FGFR1: variants seen among roughly 807,000 people sequenced by gnomAD.
FGFR1 encodes the protein fibroblast growth factor receptor 1.
A neutral mutation model predicts 93.7 loss-of-function variants in FGFR1; 18 were observed. The ratio of observed to expected loss-of-function variants is 0.19; its 90% CI spans 0.13 to 0.28. The LOEUF (loss-of-function observed/expected upper bound fraction) is 0.28, where lower values mean the gene tolerates loss of function less well. Among genes scored for constraint, FGFR1 ranks in the 10% least tolerant of loss-of-function variants. FGFR1 has a pLI of 1.00. For missense variants in FGFR1, 731 were observed against 1,080.4 expected (o/e 0.68, Z 4.53); for synonymous variants, 448 against 429.3 (o/e 1.04, Z -0.54).
chr8:38,430,887 G>A (rs978991493), intron 2 of FGFR1: 3 of 152,326 alleles, frequency 2.0e-5, no homozygotes, highest in Non-Finnish European at 1.5e-5. Flanking sequence ...TCCCGCACGC[G>A]TTCAAGAAGG....
intron 3 of FGFR1, 65 bp from the exon 4 acceptor site, chr8:38,428,500 G>C (rs1821632434): frequency 7.5e-7 from 1 of 1,335,744 alleles, no homozygotes; most frequent in East Asian, 2.5e-5. Context: ...CAAGGCTAGT[G>C]CAGTTCCAGA....
intron 2 of FGFR1, among the ~76,000 whole-genome samples, chr8:38,450,735 C>T (rs1415130274): frequency 1.3e-5 from 2 of 152,222 alleles, no homozygotes; most frequent in Non-Finnish European, 2.9e-5. Flanking sequence ...GATCTCTGGA[C>T]AGCCATTTGT....
At position 38,414,931 on chromosome 8, in the gene FGFR1, C is replaced by T. The variant is rs368389787; in HGVS notation, c.1855-30G>A. ...GGAAGGAGGAAGGGAGAGCGGGAGG[C>T]GGGGAGGTGAGGGAGCTGGAAGGCT... On this transcript the variant is annotated intron_variant, in intron 13 of 17. Coordinates refer to ENST00000447712, the MANE Select transcript of FGFR1 (RefSeq NM_023110.3). 1.4e-4 allele frequency: 218 copies of T among 1,600,546 alleles called. No individual in the cohort carries two copies. In the East Asian group the frequency reaches 1.7e-3, roughly 12 times the overall value.
chr8:38,435,898 T>C (rs903971059), intron 2 of FGFR1, among the ~76,000 whole-genome samples: 5 of 152,360 alleles, frequency 3.3e-5, no homozygotes, highest in Middle Eastern at 3.4e-3. Flanking sequence ...GTCCTCAAAA[T>C]GCACATGGGG....
rs757055030 is a variant in FGFR1 at position 38,414,293 on chromosome 8, CA to C, written c.2049-5del. ...CAGGAGCACCCCGAAAGACCACCTG[CA>C]AATGGGCGGAGAGCCACAGGGTGTT... On this transcript the variant is annotated splice_polypyrimidine_tract_variant and splice_region_variant and intron_variant, in intron 15 of 17. Transcript: ENST00000447712. The C allele has an allele frequency of 1.3e-5, 21 of 1,614,032 alleles. No individual in the cohort carries two copies. The highest frequency in any genetic ancestry group is 1.8e-5 in the Non-Finnish European group (21 of 1,180,016).
chr8:38,417,069 CATA>C (rs1167917071), intron 12 of FGFR1, among the ~76,000 whole-genome samples: 1 of 152,208 alleles, frequency 6.6e-6, no homozygotes, highest in Non-Finnish European at 1.5e-5. Context: ...GCTCTTAGAC[CATA>C]ATTACTCAGC....
At chr8:38,423,090 A>T (rs1180625185) in intron 7 of FGFR1, 1 of 779,618 alleles carries the variant, frequency 1.3e-6, no homozygotes, top group Non-Finnish European at 2.4e-6. Context: ...ATAATTGGAA[A>T]CCTTACACAC....
intron 2 of FGFR1, among the ~76,000 whole-genome samples, chr8:38,451,561 C>A (rs1831080247): frequency 6.6e-6 from 1 of 152,168 alleles, no homozygotes; most frequent in African/African-American, 2.4e-5. Context: ...AGAGACAAAG[C>A]CCCGCTTTGT....
Position 38,424,478 on chromosome 8 carries a change from A to C in FGFR1, c.936+31T>G, listed in dbSNP as rs2150810665. The C allele has an allele frequency of 6.2e-7, 1 of 1,613,474 alleles. No homozygotes were observed. The highest frequency in any genetic ancestry group is 8.5e-7 in the Non-Finnish European group (1 of 1,179,446). On this transcript the variant is annotated intron_variant, in intron 7 of 17. Coordinates refer to ENST00000447712, the MANE Select transcript of FGFR1 (RefSeq NM_023110.3). This position sits in a 1 kb window ranked among gnomAD's most constrained non-coding sequence, Gnocchi z 4.3. ...GAGACAGTGGTCTCCTTCCCAGTAGACTGGCCCACGAAGACTGGTGCCATG... is the reference window on the plus strand; with the variant it reads ...GAGACAGTGGTCTCCTTCCCAGTAGCCTGGCCCACGAAGACTGGTGCCATG...
rs569033241 is a variant in FGFR1 at position 38,439,531 on chromosome 8, G to A, written c.92-9583C>T. ...TCAGGACTGCACAGGGCTCACAAGG[G>A]TCCCGGCTTTCAAGTCCTGACTGCT... On this transcript the variant is annotated intron_variant, in intron 2 of 17. Coordinates refer to ENST00000447712, the MANE Select transcript of FGFR1 (RefSeq NM_023110.3). Among the ~76,000 whole-genome samples, 3 of 152,186 alleles carry A rather than the reference G, an allele frequency of 2.0e-5. No individual in the cohort carries two copies. In the South Asian group the frequency reaches 6.2e-4, roughly 32 times the overall value.
At chr8:38,430,110 G>C in intron 2 of FGFR1, 162 bp from the exon 3 acceptor site, 1 of 694,494 alleles carries the variant, frequency 1.4e-6, no homozygotes. Flanking sequence ...GTGGGAATTG[G>C]AGCATGGGTC....
At chr8:38,465,830 T>G (rs1835364522) in intron 1 of FGFR1, 1 of 219,570 alleles carries the variant, frequency 4.6e-6, no homozygotes, top group African/African-American at 2.2e-5. Context: ...CTAGATAGTA[T>G]TCCAAAAAAA....
intron 2 of FGFR1, among the ~76,000 whole-genome samples, chr8:38,447,668 G>A (rs1239259324): frequency 1.3e-5 from 2 of 152,222 alleles, no homozygotes; most frequent in Non-Finnish European, 2.9e-5. Flanking sequence ...TTTTAGTAGA[G>A]AAGGGTTTTG....
In FGFR1 at chr8:38,413,955, T is replaced by G. The variant is rs1815335499; in HGVS notation, c.2255A>C (p.Glu752Ala). 1 of 1,614,070 alleles carries G rather than the reference T, an allele frequency of 6.2e-7. No homozygotes were observed. The highest frequency in any genetic ancestry group is 8.5e-7 in the Non-Finnish European group (1 of 1,179,988). The part of the protein sequence containing the change: ...SQRPTFKQLV[E>A]DLDRIVALTS... Reference sequence around the variant, plus strand: ...CAAGGCCACGATGCGGTCCAGGTCTTCCACCAGCTGCTTGAAGGTGGGTCT... The same window carrying G: ...CAAGGCCACGATGCGGTCCAGGTCTGCCACCAGCTGCTTGAAGGTGGGTCT... Residue 752 changes from glutamate (E) to alanine (A), a missense_variant, in exon 17 of 18, where the codon GAA (glutamate) becomes GCA (alanine). Around this residue, in one of 10 missense-constraint regions of FGFR1, gnomAD observed 79 missense variants for 97.2 expected, o/e 0.81. Transcript: ENST00000447712. The surrounding 1 kb of genome is among the most constrained non-coding windows in gnomAD (Gnocchi z 4.2).
chr8:38,435,136 C>G (rs993038227), intron 2 of FGFR1: 9 of 152,302 alleles, frequency 5.9e-5, no homozygotes, highest in African/African-American at 2.2e-4. Flanking sequence ...TCCCAAAGTG[C>G]TGGGATTACA....
At position 38,421,685 on chromosome 8, in the gene FGFR1, A is replaced by G. The variant is rs779810683; in HGVS notation, c.1081+112T>C. ...CAGGATGTGGCACCAGGCAGGCAGGAGCCCATTCTTCCAGCTCTCCTGCCT... is the reference window on the plus strand; with the variant it reads ...CAGGATGTGGCACCAGGCAGGCAGGGGCCCATTCTTCCAGCTCTCCTGCCT... On this transcript the variant is annotated intron_variant, in intron 8 of 17. Transcript: ENST00000447712. 1.1e-5 allele frequency: 12 copies of G among 1,119,146 alleles called. No homozygotes were observed. In the South Asian group the frequency reaches 1.5e-4, roughly 14 times the overall value. The allele number at this position is 1,119,146 out of a possible 1,614,324, so 69.3% of individuals were successfully genotyped here.
chr8:38,421,713 G>T (rs937450906), intron 8 of FGFR1, 84 bp downstream of exon 8: 3 of 1,443,506 alleles, frequency 2.1e-6, no homozygotes, highest in Middle Eastern at 3.5e-4. Context: ...TCCTGCCTCT[G>T]TGTCTCCCCA....
chr8:38,416,617 G>C (rs554453260), intron 12 of FGFR1, among the ~76,000 whole-genome samples: 1 of 151,876 alleles, frequency 6.6e-6, no homozygotes, highest in Non-Finnish European at 1.5e-5. Flanking sequence ...CACCACGCCC[G>C]GCTACTTTTT....
intron 2 of FGFR1, among the ~76,000 whole-genome samples, chr8:38,447,260 T>G (rs1243298195): frequency 6.6e-6 from 1 of 151,946 alleles, no homozygotes; most frequent in African/African-American, 2.4e-5. Flanking sequence ...GAAACCCAAT[T>G]TGATATAGAA....
Sources: gnomAD v4.1 joint callset for allele counts (sites outside exome capture counted in the v4.1 genomes callset) on GRCh38, gnomAD v4.1.1 for gene constraint, gnomAD v4.1.1 regional missense constraint, Gnocchi (gnomAD v3.1) non-coding constraint, MANE v1.5 for transcripts, NCBI Gene and HGNC (gene_info 2026-07-23, HGNC 2026-07-21) for gene names.